Variants in ABCA8 observed in about 807,000 individuals in gnomAD.
ABCA8 encodes ATP binding cassette subfamily A member 8.
A neutral mutation model predicts 192.3 loss-of-function variants in ABCA8; 177 were observed. The observed-to-expected ratio is 0.92, with a 90% CI of 0.81 to 1.04. The LOEUF is 1.04. Among genes scored for constraint, ABCA8 ranks in the 50% least tolerant of loss-of-function variants. ABCA8 has a pLI of 0.00. For missense variants in ABCA8, 1,915 were observed against 1,904.8 expected (o/e 1.01, Z -0.10); for synonymous variants, 642 against 690.2 (o/e 0.93, Z 1.09).
chr17:68,954,020 G>A (rs1229499766), intron 1 of ABCA8, among the ~76,000 whole-genome samples: 2 of 130,508 alleles, frequency 1.5e-5, no homozygotes, highest in Non-Finnish European at 3.2e-5. Context: ...CTGTACAGGA[G>A]GAATTTCTTT....
Position 68,875,287 on chromosome 17 carries a change from A to G in ABCA8, c.4604T>C (p.Leu1535Pro), listed in dbSNP as rs768564960. Residue 1535 changes from leucine (L) to proline (P), a missense_variant, in exon 37 of 40, where the codon CTT (leucine) becomes CCT (proline). Transcript: ENST00000586539. ...TTCCTGCCGAGCAGCCTGGGGGAAA[A>G]GCCTCAGGATCTCTGCATGGAGGGG... ...VEPLHAEILR[L>P]FPQAARQERY... 1 of 1,613,988 alleles carries G rather than the reference A, an allele frequency of 6.2e-7. No individual in the cohort carries two copies. Among genetic ancestry groups the G allele is most frequent in the South Asian group, 1.1e-5 (1 of 91,062 alleles).
chr17:68,942,119 AC>A lies in ABCA8; in HGVS notation c.-5-81del, dbSNP rs764680930. 49 of 1,071,974 alleles carry A rather than the reference AC, an allele frequency of 4.6e-5. No individual in the cohort carries two copies. The East Asian group carries it at 6.7e-4, about 15-fold the overall frequency. The allele number at this position is 1,071,974 out of a possible 1,614,324, so 66.4% of individuals were successfully genotyped here. ...GAAATATCCTGCAAACAACAAAAAA[AC>A]GTAGCCTAATACTCCAATGTTCCAA... On this transcript the variant is annotated intron_variant, in intron 2 of 39. Transcript: ENST00000586539.
chr17:68,929,688 A>G lies in ABCA8; in HGVS notation c.812T>C (p.Leu271Ser). 2 of 1,611,610 alleles carry G rather than the reference A, an allele frequency of 1.2e-6. No individual in the cohort carries two copies. Among genetic ancestry groups the G allele is most frequent in the Non-Finnish European group, 1.7e-6 (2 of 1,179,114 alleles). The change falls in exon 8 of 40, where the codon TTG becomes TCG. Residue 271 changes from leucine (L) to serine (S), a missense_variant. By Grantham distance (145) the Leu-to-Ser change is moderately radical. Transcript: ENST00000586539. ...RDSAFWLSWG[L>S]LYAGFIFIMA... ...AATGAAGATGAAACCAGCATAGAGC[A>G]AACCCCAGGAGAGCCTAATGTGGAA...
At chr17:68,891,237 G>A (rs547469482) in intron 24 of ABCA8, among the ~76,000 whole-genome samples, 1 of 151,530 alleles carries the variant, frequency 6.6e-6, no homozygotes, top group African/African-American at 2.4e-5. Context: ...TTCCAGCTTT[G>A]CTTTTTTTTT....
chr17:68,927,805 G>T, intron 10 of ABCA8, 111 bp downstream of exon 10: 2 of 855,582 alleles, frequency 2.3e-6, no homozygotes, highest in Non-Finnish European at 3.4e-6. Flanking sequence ...TCTCTTTGCT[G>T]TTGATACACA....
chr17:68,920,297 G>C (rs1209224896), intron 13 of ABCA8, among the ~76,000 whole-genome samples: 1 of 151,982 alleles, frequency 6.6e-6, no homozygotes, highest in African/African-American at 2.4e-5. Flanking sequence ...GATAACTATT[G>C]GGTACTGGGC....
At chr17:68,920,389 C>G (rs1471032049) in intron 13 of ABCA8, among the ~76,000 whole-genome samples, 1 of 151,298 alleles carries the variant, frequency 6.6e-6, no homozygotes, top group Admixed American at 6.6e-5. Context: ...ACATGCACCC[C>G]CAAACCTAAA....
chr17:68,896,536 T>C (rs2066763620), intron 21 of ABCA8, among the ~76,000 whole-genome samples: 1 of 152,222 alleles, frequency 6.6e-6, no homozygotes, highest in African/African-American at 2.4e-5. Flanking sequence ...CACTCTGTCC[T>C]GTGCAGGATG....
intron 1 of ABCA8, among the ~76,000 whole-genome samples, chr17:68,949,866 C>G (rs566090604): frequency 1.3e-5 from 2 of 152,270 alleles, no homozygotes; most frequent in African/African-American, 4.8e-5. Flanking sequence ...TGGAAGCATT[C>G]CCTTTGAAAA....
In ABCA8 at chr17:68,919,340, A is replaced by G; in HGVS notation, c.1749T>C (p.Ala583=). 6.2e-7 allele frequency: 1 copy of G among 1,613,402 alleles called. No individual in the cohort carries two copies. Among genetic ancestry groups the G allele is most frequent in the Non-Finnish European group, 8.5e-7 (1 of 1,179,684 alleles). The change falls in exon 14 of 40, where the codon GCT becomes GCC. Residue 583 remains alanine (A), a synonymous_variant. Transcript: ENST00000586539. ...LTVRENLRLF[A]KIKGILPQEV... The stretch of plus-strand genomic sequence containing the variant: ...CTTGTGGCAGAATCCCTTTTATTTT[A>G]GCAAAGAGTCTGAGGTTTTCTCTTA...
chr17:68,881,906 C>A lies in ABCA8; in HGVS notation c.3903G>T (p.Lys1301Asn). 6.2e-7 allele frequency: 1 copy of A among 1,614,140 alleles called. No individual in the cohort carries two copies. ...AGACATTTCTCGTGGCTATCTTATT[C>A]TTCCTCTTGGAAAAACAGCCTTTCC... Reference protein sequence around the residue: ...GKRKGCFSKRKNKIATRNVSF... With the variant: ...GKRKGCFSKRNNKIATRNVSF... The change falls in exon 31 of 40, where the codon AAG (lysine) becomes AAT (asparagine). Residue 1301 changes from lysine (K) to asparagine (N), a missense_variant. By Grantham distance (94) the Lys-to-Asn change is moderately conservative (BLOSUM62 0). Transcript: ENST00000586539.
chr17:68,872,144 C>T (rs968679180), intron 37 of ABCA8, among the ~76,000 whole-genome samples: 6 of 151,636 alleles, frequency 4.0e-5, no homozygotes, highest in South Asian at 4.2e-4. Flanking sequence ...ATGTTTATTG[C>T]GGCATTATTC....
rs9892535 is a variant in ABCA8 at position 68,891,289 on chromosome 17, T to G, written c.3144+200A>C. On this transcript the variant is annotated intron_variant, in intron 24 of 39. Transcript: ENST00000586539. ...ATTCTAGCTTGTTGGAATATCCAGA[T>G]AAAGTTCAGAATAATTCTCTATTAC... 5.2e-3 allele frequency among the ~76,000 whole-genome samples: 795 copies of G among 152,306 alleles called. 9 individuals carry two copies. Among genetic ancestry groups the G allele is most frequent in the African/African-American group, 0.018 (758 of 41,568 alleles).
rs768194461 is a variant in ABCA8 at position 68,921,411 on chromosome 17, A to G, written c.1583T>C (p.Ile528Thr). The G allele has an allele frequency of 9.3e-6, 15 of 1,611,230 alleles. No individual in the cohort carries two copies. The highest frequency in any genetic ancestry group is 1.3e-5 in the African/African-American group (1 of 75,016). ...SGAGKSTLLNILSGLSVPTKG... is the reference protein window; with the variant it reads ...SGAGKSTLLNTLSGLSVPTKG... Reference sequence around the variant, plus strand: ...GGTGGGAACAGACAACCCACTAAGAATGTTTAGCAGTGTTGACTTTCCAGC... The same window carrying G: ...GGTGGGAACAGACAACCCACTAAGAGTGTTTAGCAGTGTTGACTTTCCAGC... Residue 528 changes from isoleucine to threonine, a missense_variant, in exon 13 of 40, where the codon ATT becomes ACT. Transcript: ENST00000586539.
chr17:68,900,704 A>G (rs148224299), intron 21 of ABCA8, among the ~76,000 whole-genome samples: 43 of 152,262 alleles, frequency 2.8e-4, no homozygotes, highest in African/African-American at 1.0e-3. Flanking sequence ...TAGAAAATCA[A>G]ATCTGGGAGA....
At chr17:68,937,744 T>C (rs2068108429) in intron 4 of ABCA8, among the ~76,000 whole-genome samples, 1 of 152,108 alleles carries the variant, frequency 6.6e-6, no homozygotes, top group Non-Finnish European at 1.5e-5. Context: ...GCAAGAAGTA[T>C]GTATTTTGAT....
chr17:68,881,892 G>T lies in ABCA8; in HGVS notation c.3917C>A (p.Thr1306Lys). 6.2e-7 allele frequency: 1 copy of T among 1,614,028 alleles called. No individual in the cohort carries two copies. The highest frequency in any genetic ancestry group is 1.1e-5 in the South Asian group (1 of 91,076). ...TCTAACACAGAAGGAGACATTTCTC[G>T]TGGCTATCTTATTCTTCCTCTTGGA... ...CFSKRKNKIA[T>K]RNVSFCVRKG... Residue 1306 changes from threonine to lysine, a missense_variant, in exon 31 of 40, where the codon ACG (threonine) becomes AAG (lysine). Transcript: ENST00000586539.
chr17:68,929,560 C>A lies in ABCA8; in HGVS notation c.939+1G>T, dbSNP rs748145513. ...GAAAGATATTTAATTCACTAACTCA[C>A]CAAAGATAATCCATACAGGAGAAAG... On this transcript the variant is annotated splice_donor_variant, in intron 8 of 39. Coordinates refer to ENST00000586539, the MANE Select transcript of ABCA8 (RefSeq NM_001288985.2). LOFTEE classifies it high-confidence loss of function. The A allele has an allele frequency of 1.9e-6, 3 of 1,609,776 alleles. No homozygotes were observed. Among genetic ancestry groups the A allele is most frequent in the Admixed American group, 1.7e-5 (1 of 58,852 alleles).
At chr17:68,894,382 C>T in intron 22 of ABCA8, 72 bp from the exon 23 acceptor site, 1 of 1,348,084 alleles carries the variant, frequency 7.4e-7, no homozygotes, top group Non-Finnish European at 1.0e-6. Flanking sequence ...CAAAATTTGA[C>T]ATGTTAAATT....
Sources: gnomAD v4.1 joint callset for allele counts (sites outside exome capture counted in the v4.1 genomes callset) on GRCh38, gnomAD v4.1.1 for gene constraint, MANE v1.5 for transcripts, NCBI Gene and HGNC (gene_info 2026-07-23, HGNC 2026-07-21) for gene names.